Variants in DLGAP2 observed in about 807,000 individuals in gnomAD.
DLGAP2 encodes DLG associated protein 2.
A neutral mutation model predicts 100.3 loss-of-function variants in DLGAP2; 26 were observed. The ratio of observed to expected loss-of-function variants is 0.26; its 90% CI spans 0.19 to 0.36. The LOEUF is 0.36. Among genes scored for constraint, DLGAP2 ranks in the 10% least tolerant of loss-of-function variants. DLGAP2 has a pLI of 1.00. For synonymous variants in DLGAP2, 886 were observed against 630.1 expected (o/e 1.41, Z -6.08); for missense variants, 1,858 against 1,453.2 (o/e 1.28, Z -4.53).
chr8:797,001 A>T (rs548906906), intron 1 of DLGAP2, among the ~76,000 whole-genome samples: 2 of 152,248 alleles, frequency 1.3e-5, no homozygotes, highest in Admixed American at 6.5e-5. Context: ...CTGTTTGCAG[A>T]TAGTATCTTG....
intron 14 of DLGAP2, among the ~76,000 whole-genome samples, chr8:1,700,960 G>GC (rs1025923734): frequency 6.6e-5 from 10 of 152,300 alleles, no homozygotes; most frequent in African/African-American, 1.7e-4. Flanking sequence ...TGACGCCTCT[G>GC]CCCCCTTTGG....
intron 2 of DLGAP2, among the ~76,000 whole-genome samples, chr8:1,234,335 G>C (rs73670682): frequency 6.6e-6 from 1 of 152,070 alleles, no homozygotes; most frequent in Non-Finnish European, 1.5e-5. Context: ...GAGCCTGTGA[G>C]GGAAGTACGT....
intron 2 of DLGAP2, chr8:1,018,789 C>G (rs1296006872): frequency 6.6e-6 from 1 of 152,152 alleles, no homozygotes; most frequent in Admixed American, 6.5e-5. Context: ...AAAGTCTTTG[C>G]TATTTGAGAT....
intron 1 of DLGAP2, among the ~76,000 whole-genome samples, chr8:872,080 C>G (rs115445898): frequency 0.044 from 6,673 of 152,078 alleles, 245 homozygotes; most frequent in African/African-American, 0.09. Context: ...GTTTTCATTG[C>G]TTAGAAACTT....
chr8:1,188,658 C>T (rs1047303709), intron 2 of DLGAP2, among the ~76,000 whole-genome samples: 2 of 152,146 alleles, frequency 1.3e-5, no homozygotes, highest in East Asian at 1.9e-4. Context: ...AGCGACTCAT[C>T]CGCCCAGCAC....
At chr8:1,632,219 G>T (rs1363697184) in intron 7 of DLGAP2, among the ~76,000 whole-genome samples, 1 of 152,150 alleles carries the variant, frequency 6.6e-6, no homozygotes, top group Non-Finnish European at 1.5e-5. Context: ...TCATGTGGAC[G>T]AAAACACCAG....
At chr8:788,305 C>A (rs1563433415) in intron 1 of DLGAP2, among the ~76,000 whole-genome samples, 1 of 152,214 alleles carries the variant, frequency 6.6e-6, no homozygotes, top group Non-Finnish European at 1.5e-5. Context: ...GTCGAGATAG[C>A]AGCATTCAGT....
chr8:1,574,029 C>T (rs1802863912), intron 6 of DLGAP2, among the ~76,000 whole-genome samples: 1 of 152,296 alleles, frequency 6.6e-6, no homozygotes, highest in Non-Finnish European at 1.5e-5. Flanking sequence ...TCCCTGCAGA[C>T]TCACATTTGC....
intron 2 of DLGAP2, among the ~76,000 whole-genome samples, chr8:1,203,483 G>A (rs931455184): frequency 4.6e-5 from 7 of 152,150 alleles, no homozygotes; most frequent in South Asian, 2.1e-4. Context: ...CCTTTTCTGC[G>A]TGTGCATTTT....
intron 2 of DLGAP2, among the ~76,000 whole-genome samples, chr8:942,463 C>T (rs1319593606): frequency 6.6e-6 from 1 of 152,238 alleles, no homozygotes; most frequent in Non-Finnish European, 1.5e-5. Flanking sequence ...CCACTCACAT[C>T]ATCCAGAACA....
chr8:1,356,189 C>A (rs371485722), intron 3 of DLGAP2, among the ~76,000 whole-genome samples: 1 of 152,154 alleles, frequency 6.6e-6, no homozygotes, highest in Admixed American at 6.5e-5. Context: ...TGCTCTGTGG[C>A]CCCCTGGAGA....
chr8:1,678,551 C>T lies in DLGAP2; in HGVS notation c.2626C>T (p.His876Tyr). 1 of 1,591,702 alleles carries T rather than the reference C, an allele frequency of 6.3e-7. No homozygotes were observed. Among genetic ancestry groups the T allele is most frequent in the South Asian group, 1.1e-5 (1 of 87,630 alleles). ...TGGCTCGTGGTTTTTGAAGCTGCTG[C>T]ACGCAGAGACAAAGAGGATGGAAGG... ...RDGSWFLKLLHAETKRMEGWC... is the reference protein window; with the variant it reads ...RDGSWFLKLLYAETKRMEGWC... The change falls in exon 12 of 15, where the codon CAC (histidine) becomes TAC (tyrosine). Residue 876 changes from histidine to tyrosine, a missense_variant. Coordinates refer to ENST00000637795, the MANE Select transcript of DLGAP2 (RefSeq NM_001346810.2).
chr8:825,646 A>G (rs550577194), intron 1 of DLGAP2, among the ~76,000 whole-genome samples: 10 of 152,050 alleles, frequency 6.6e-5, no homozygotes, highest in African/African-American at 2.4e-4. Context: ...TATCCATTTT[A>G]TTGATTTTAT....
rs567944174 is a variant in DLGAP2, at chr8:853,936, G to A, written c.19-53976G>A. ...GTCATGAAGTCATGAGGGTGGGGCC[G>A]CCACAGGTGGGATAAGTGCCTTTTT... On this transcript the variant is annotated intron_variant, in intron 1 of 14. Coordinates refer to ENST00000637795, the MANE Select transcript of DLGAP2 (RefSeq NM_001346810.2). Among the ~76,000 whole-genome samples, 13 of 152,192 alleles carry A rather than the reference G, an allele frequency of 8.5e-5. No homozygotes were observed. The South Asian group carries it at 1.7e-3, about 19-fold the overall frequency.
intron 2 of DLGAP2, among the ~76,000 whole-genome samples, chr8:948,427 C>T (rs1360139085): frequency 6.6e-6 from 1 of 152,224 alleles, no homozygotes; most frequent in African/African-American, 2.4e-5. Flanking sequence ...GACAGGGTCC[C>T]ATGCCTTCCC....
rs1192231449 is a variant in DLGAP2 at position 1,605,862 on chromosome 8, A to G, written c.1443-20878A>G. On this transcript the variant is annotated intron_variant, in intron 6 of 14. Coordinates refer to ENST00000637795, the MANE Select transcript of DLGAP2 (RefSeq NM_001346810.2). ...ATGGCAAATGTTTAAAATATGCCACAAAAGCAACACATGCCAAATTTGGAA... is the reference window on the plus strand; with the variant it reads ...ATGGCAAATGTTTAAAATATGCCACGAAAGCAACACATGCCAAATTTGGAA... 2.6e-5 allele frequency among the ~76,000 whole-genome samples: 4 copies of G among 152,360 alleles called. No homozygotes were observed. In the South Asian group the frequency reaches 8.3e-4, roughly 32 times the overall value.
At chr8:864,229 G>A (rs555719208) in intron 1 of DLGAP2, among the ~76,000 whole-genome samples, 3 of 152,286 alleles carry the variant, frequency 2.0e-5, no homozygotes, top group Middle Eastern at 3.4e-3. Context: ...GTTAGCAGGT[G>A]CAGGGACTTG....
intron 4 of DLGAP2, among the ~76,000 whole-genome samples, chr8:1,502,783 C>T (rs1056672024): frequency 6.6e-6 from 1 of 152,240 alleles, no homozygotes; most frequent in East Asian, 1.9e-4. Flanking sequence ...TGCCTTTGCA[C>T]TGTCTCTGGA....
At chr8:1,378,499 T>C (rs1435389558) in intron 3 of DLGAP2, among the ~76,000 whole-genome samples, 2 of 151,702 alleles carry the variant, frequency 1.3e-5, no homozygotes, top group East Asian at 3.9e-4. Context: ...TGGCCTCACC[T>C]GTCTTTCCTG....
Sources: gnomAD v4.1 joint callset for allele counts (sites outside exome capture counted in the v4.1 genomes callset) on GRCh38, gnomAD v4.1.1 for gene constraint, MANE v1.5 for transcripts, NCBI Gene and HGNC (gene_info 2026-07-23, HGNC 2026-07-21) for gene names.